The following PTPRD variants were observed in gnomAD, a reference collection of about 807,000 sequenced individuals.
The protein encoded by PTPRD is receptor-type tyrosine-protein phosphatase delta.
Under a neutral mutation model 214.5 loss-of-function variants are expected in PTPRD, and 34 were observed. The ratio of observed to expected loss-of-function variants is 0.16; its 90% CI spans 0.12 to 0.21. The LOEUF is 0.21. Among genes scored for constraint, PTPRD ranks in the 10% least tolerant of loss-of-function variants. PTPRD has a pLI of 1.00. For synonymous variants in PTPRD, 1,128 were observed against 845.7 expected, an observed-to-expected ratio of 1.33 and a Z score of -5.79; for missense variants, 2,545 against 2,398.7, an observed-to-expected ratio of 1.06 and a Z score of -1.27.
At chr9:9,045,638 T>A (rs1309815059) in intron 10 of PTPRD, among the ~76,000 whole-genome samples, 2 of 152,124 alleles carry the variant, frequency 1.3e-5, no homozygotes, top group East Asian at 3.9e-4. Context: ...TGCACCCCAA[T>A]CTATTTTCTG....
At chr9:8,392,210 C>T (rs1054213177) in intron 36 of PTPRD, among the ~76,000 whole-genome samples, 4 of 151,794 alleles carry the variant, frequency 2.6e-5, no homozygotes, top group Admixed American at 1.3e-4. Flanking sequence ...ATGGTGAGAC[C>T]CTGTCTCTAC....
At chr9:10,340,067 T>C (rs1269209879) in intron 3 of PTPRD, among the ~76,000 whole-genome samples, 2 of 151,776 alleles carry the variant, frequency 1.3e-5, no homozygotes, top group Admixed American at 6.6e-5. Context: ...TCCACATAAA[T>C]ACATCTCATC....
intron 10 of PTPRD, among the ~76,000 whole-genome samples, chr9:9,151,000 C>T (rs960780886): frequency 6.6e-6 from 1 of 152,160 alleles, no homozygotes; most frequent in Non-Finnish European, 1.5e-5. Flanking sequence ...TGGGAGTCCA[C>T]ATTTTAAATG....
At chr9:9,474,460 TA>T (rs1485580958) in intron 8 of PTPRD, among the ~76,000 whole-genome samples, 5 of 152,122 alleles carry the variant, frequency 3.3e-5, no homozygotes, top group Non-Finnish European at 2.9e-5. Flanking sequence ...TTAGAATTTT[TA>T]AAAAATTTCA....
intron 10 of PTPRD, among the ~76,000 whole-genome samples, chr9:9,042,932 G>A (rs533995280): frequency 3.3e-5 from 5 of 152,230 alleles, no homozygotes; most frequent in Admixed American, 2.0e-4. Flanking sequence ...TTGGGTATCC[G>A]ACACTCATGG....
At chr9:8,989,095 T>A (rs902865483) in intron 11 of PTPRD, among the ~76,000 whole-genome samples, 3 of 152,072 alleles carry the variant, frequency 2.0e-5, no homozygotes, top group African/African-American at 7.2e-5. Flanking sequence ...TATTGCTATA[T>A]GATAGTTGTA....
intron 44 of PTPRD, among the ~76,000 whole-genome samples, chr9:8,330,888 C>CCTAAAATATATTAGTTTAAATAAAATTAG (rs1563985432): frequency 6.7e-6 from 1 of 149,852 alleles, no homozygotes; most frequent in African/African-American, 2.5e-5. Context: ...TTGCCAGAAC[C>CCTAAAATATATTAGTTTAAATAAAATTAG]CTAAAATATA....
chr9:10,216,511 A>C (rs1473180104), intron 3 of PTPRD, among the ~76,000 whole-genome samples: 2 of 151,952 alleles, frequency 1.3e-5, no homozygotes, highest in Non-Finnish European at 1.5e-5. Flanking sequence ...TTTTGTATCA[A>C]CTATTAGACA....
chr9:10,256,979 ATATATC>A (rs1459549958), intron 3 of PTPRD, among the ~76,000 whole-genome samples: 1 of 152,136 alleles, frequency 6.6e-6, no homozygotes, highest in African/African-American at 2.4e-5. Flanking sequence ...TATATACTCT[ATATATC>A]AATACATTTC....
At chr9:8,991,666 T>C (rs936625504) in intron 11 of PTPRD, among the ~76,000 whole-genome samples, 1 of 152,162 alleles carries the variant, frequency 6.6e-6, no homozygotes, top group Non-Finnish European at 1.5e-5. Flanking sequence ...TTGAAAGGCT[T>C]TGAGTAACAC....
chr9:8,918,037 A>G (rs2098798905), intron 11 of PTPRD, among the ~76,000 whole-genome samples: 1 of 152,178 alleles, frequency 6.6e-6, no homozygotes, highest in Non-Finnish European at 1.5e-5. Context: ...CGTCACAACA[A>G]GCTTTCAATT....
At chr9:8,749,338 C>T (rs1165228621) in intron 11 of PTPRD, among the ~76,000 whole-genome samples, 1 of 152,066 alleles carries the variant, frequency 6.6e-6, no homozygotes, top group Non-Finnish European at 1.5e-5. Flanking sequence ...CAGGCAGGTA[C>T]CACCATGCCC....
chr9:9,963,001 A>T (rs1019903822), intron 4 of PTPRD, among the ~76,000 whole-genome samples: 1 of 151,994 alleles, frequency 6.6e-6, no homozygotes, highest in Non-Finnish European at 1.5e-5. Flanking sequence ...TACTTTATAT[A>T]GTTACACTAT....
intron 3 of PTPRD, among the ~76,000 whole-genome samples, chr9:10,049,451 A>AC (rs1176981748): frequency 3.1e-5 from 4 of 127,800 alleles, no homozygotes; most frequent in South Asian, 2.6e-4. Context: ...AAAAAAAAAA[A>AC]CCCTTCTATA....
intron 11 of PTPRD, among the ~76,000 whole-genome samples, chr9:8,922,961 C>A (rs1426057261): frequency 6.6e-6 from 1 of 151,772 alleles, no homozygotes; most frequent in Non-Finnish European, 1.5e-5. Context: ...CTGCACCTGG[C>A]CCAAAGATTT....
At chr9:10,471,788 T>C (rs764867761) in intron 2 of PTPRD, among the ~76,000 whole-genome samples, 15 of 152,078 alleles carry the variant, frequency 9.9e-5, no homozygotes, top group African/African-American at 2.7e-4. Flanking sequence ...TGAAGAGATG[T>C]CAGAAAATAT....
intron 39 of PTPRD, among the ~76,000 whole-genome samples, chr9:8,353,930 G>GTATA (rs1564202307): frequency 1.2e-4 from 12 of 99,066 alleles, no homozygotes; most frequent in African/African-American, 7.2e-4. Flanking sequence ...ATATATATGT[G>GTATA]TGTGTACATA....
chr9:9,915,964 A>G (rs2080647425), intron 5 of PTPRD, among the ~76,000 whole-genome samples: 1 of 152,202 alleles, frequency 6.6e-6, no homozygotes. Flanking sequence ...TAAAAGCTGG[A>G]AAAGAAAAAC....
chr9:10,523,771 G>C (rs2053350186), intron 2 of PTPRD, among the ~76,000 whole-genome samples: 1 of 150,966 alleles, frequency 6.6e-6, no homozygotes, highest in Non-Finnish European at 1.5e-5. Flanking sequence ...TAAATGATGT[G>C]TCCATTGATA....
Sources: gnomAD v4.1 joint callset for allele counts (sites outside exome capture counted in the v4.1 genomes callset) on GRCh38, gnomAD v4.1.1 for gene constraint, MANE v1.5 for transcripts, NCBI Gene and HGNC (gene_info 2026-07-23, HGNC 2026-07-21) for gene names.